IGSF6: variants seen among roughly 807,000 people sequenced by gnomAD.
IGSF6 encodes the protein down-regulated by activation (immunoglobulin superfamily).
Under a neutral mutation model 24.7 loss-of-function variants are expected in IGSF6, and 23 were observed. That is an observed-to-expected ratio of 0.93 (90% CI 0.67 to 1.32). The LOEUF (loss-of-function observed/expected upper bound fraction) is 1.32, where lower values mean the gene tolerates loss of function less well. Among genes scored for constraint, IGSF6 ranks in the 40% most tolerant of loss-of-function variants. The pLI, the probability that IGSF6 is intolerant of heterozygous loss-of-function variation, is 0.00. For synonymous variants in IGSF6, 110 were observed against 113.7 expected, an observed-to-expected ratio of 0.97 and a Z score of 0.21; for missense variants, 295 against 293.6, an observed-to-expected ratio of 1.00 and a Z score of -0.04.
intron 5 of IGSF6, 83 bp downstream of exon 5, chr16:21,642,991 T>C: frequency 2.3e-6 from 2 of 860,032 alleles, no homozygotes; most frequent in Non-Finnish European, 3.8e-6. Context: ...AAAACATGGT[T>C]CTTGACAGCT....
In IGSF6 at chr16:21,647,453, C is replaced by A. The variant is rs746178604; in HGVS notation, c.107G>T (p.Trp36Leu). ...ATGAGTGTAGTCCACTTCTAGGTAC[C>A]ACGGTTGTGTGACAGAGAGAGTACA... ...GACTLSVTQP[W>L]YLEVDYTHEA... Residue 36 changes from tryptophan to leucine, a missense_variant, in exon 2 of 6, where the codon TGG becomes TTG. Physicochemically the swap from Trp to Leu is moderately conservative, Grantham distance 61. Coordinates refer to ENST00000268389, the MANE Select transcript of IGSF6 (RefSeq NM_005849.4). The A allele has an allele frequency of 6.2e-7, 1 of 1,613,960 alleles. No homozygotes were observed. Among genetic ancestry groups the A allele is most frequent in the South Asian group, 1.1e-5 (1 of 91,070 alleles).
chr16:21,647,388 A>G lies in IGSF6; in HGVS notation c.172T>C (p.Cys58Arg). The G allele has an allele frequency of 1.2e-6, 2 of 1,614,116 alleles. No homozygotes were observed. Among genetic ancestry groups the G allele is most frequent in the Non-Finnish European group, 1.7e-6 (2 of 1,180,018 alleles). ...TIKCTFSATG[C>R]PSEQPTCLWF... ...AGGCATGTTGGTTGCTCAGAAGGGC[A>G]TCCGGTTGCGGAGAAGGTACACTTT... Residue 58 changes from cysteine to arginine, a missense_variant, in exon 2 of 6, where the codon TGC becomes CGC. Transcript: ENST00000268389.
intron 1 of IGSF6, among the ~76,000 whole-genome samples, chr16:21,651,048 G>C (rs1037838844): frequency 6.6e-5 from 10 of 151,962 alleles, no homozygotes; most frequent in Admixed American, 6.5e-5. Flanking sequence ...ACGGTGAAAC[G>C]CTGTCTCTAC....
Position 21,643,083 on chromosome 16 carries a change from A to T in IGSF6, c.657T>A (p.Asn219Lys), listed in dbSNP as rs1361713041. 3 of 1,602,470 alleles carry T rather than the reference A, an allele frequency of 1.9e-6. No individual in the cohort carries two copies. The highest frequency in any genetic ancestry group is 1.7e-5 in the Admixed American group (1 of 59,842). ...GACATTTTACACTTACAGATTGCTG[A>T]TTTGTTTCCACATGTCTCTTATGGT... Reference protein sequence around the residue: ...ELYHKRHVETNQQSEKDNNTY... With the variant: ...ELYHKRHVETKQQSEKDNNTY... The change falls in exon 5 of 6, where the codon AAT becomes AAA. Residue 219 changes from asparagine to lysine, a missense_variant. Coordinates refer to ENST00000268389, the MANE Select transcript of IGSF6 (RefSeq NM_005849.4).
intron 5 of IGSF6, among the ~76,000 whole-genome samples, chr16:21,642,668 T>G (rs761254322): frequency 6.4e-4 from 98 of 152,316 alleles, no homozygotes; most frequent in Non-Finnish European, 1.2e-3. Context: ...TGTGAATTTA[T>G]TTTTGCCTTA....
chr16:21,643,835 T>C (rs890303966), intron 3 of IGSF6, among the ~76,000 whole-genome samples: 1 of 151,992 alleles, frequency 6.6e-6, no homozygotes, highest in Non-Finnish European at 1.5e-5. Flanking sequence ...TCCCTTCTTA[T>C]ACACATAGCC....
chr16:21,646,245 G>A (rs976204417), intron 2 of IGSF6: 3 of 151,778 alleles, frequency 2.0e-5, no homozygotes, highest in African/African-American at 7.3e-5. Context: ...TATGTTTGAT[G>A]TCCTCGCTCG....
intron 5 of IGSF6, among the ~76,000 whole-genome samples, chr16:21,641,902 C>T (rs901525000): frequency 3.3e-5 from 5 of 152,052 alleles, no homozygotes; most frequent in African/African-American, 1.2e-4. Context: ...GTCCCAGCCT[C>T]AGAAAGAAAA....
At chr16:21,644,081 G>A (rs1220422916) in intron 3 of IGSF6, among the ~76,000 whole-genome samples, 1 of 152,128 alleles carries the variant, frequency 6.6e-6, no homozygotes, top group African/African-American at 2.4e-5. Flanking sequence ...AGCAAACTAT[G>A]TCCCCTGGCT....
At chr16:21,650,038 A>G (rs1419630873) in intron 1 of IGSF6, among the ~76,000 whole-genome samples, 1 of 152,210 alleles carries the variant, frequency 6.6e-6, no homozygotes, top group Admixed American at 6.5e-5. Context: ...AGTCACAGCT[A>G]CTCAGGAGGC....
intron 1 of IGSF6, among the ~76,000 whole-genome samples, chr16:21,651,436 A>T (rs1966573699): frequency 6.6e-6 from 1 of 151,988 alleles, no homozygotes; most frequent in Non-Finnish European, 1.5e-5. Flanking sequence ...GTGGGACTGC[A>T]GGTGCAGTGC....
chr16:21,644,436 A>G (rs192529640), intron 2 of IGSF6, 40 bp from the exon 3 acceptor site: 81 of 1,399,180 alleles, frequency 5.8e-5, no homozygotes, highest in Non-Finnish European at 6.9e-5. Context: ...TGACTATTAA[A>G]GCCTATTCTT....
At chr16:21,651,507 G>A (rs1220141815) in intron 1 of IGSF6, among the ~76,000 whole-genome samples, 1 of 151,404 alleles carries the variant, frequency 6.6e-6, no homozygotes, top group South Asian at 2.1e-4. Context: ...TCATTATGTT[G>A]TTCATGCTGG....
At position 21,641,543 on chromosome 16, in the gene IGSF6, T is replaced by A. The variant is rs778045009; in HGVS notation, c.717A>T (p.Glu239Asp). 3.2e-6 allele frequency: 5 copies of A among 1,585,922 alleles called. No homozygotes were observed. The African/African-American group carries it at 5.4e-5, about 17-fold the overall frequency. The change falls in exon 6 of 6, where the codon GAA becomes GAT. Residue 239 changes from glutamate to aspartate, a missense_variant. Transcript: ENST00000268389. ...GAAAATTAAAACGTTTCTATGGCCT[T>A]TCATAGTTGGAAAGTACTCTTCTGT... ...YENRRVLSNYERP is the reference protein window; with the variant it reads ...YENRRVLSNYDRP
Position 21,643,556 on chromosome 16 carries a change from A to G in IGSF6, c.577T>C (p.Ser193Pro). Residue 193 changes from serine (S) to proline (P), a missense_variant, in exon 4 of 6, where the codon TCA (serine) becomes CCA (proline). Ser to Pro is a moderately conservative substitution (Grantham distance 74). Coordinates refer to ENST00000268389, the MANE Select transcript of IGSF6 (RefSeq NM_005849.4). ...CAAGTGTTGGTCTGTACCTTTTGTGAGTCTTCTTTTATTTCTTTGTTTCTT... is the reference window on the plus strand; with the variant it reads ...CAAGTGTTGGTCTGTACCTTTTGTGGGTCTTCTTTTATTTCTTTGTTTCTT... Reference protein sequence around the residue: ...PLRNKEIKEDSQKKKSARRIF... With the variant: ...PLRNKEIKEDPQKKKSARRIF... The G allele has an allele frequency of 1.2e-6, 2 of 1,602,214 alleles. No homozygotes were observed. The highest frequency in any genetic ancestry group is 8.5e-7 in the Non-Finnish European group (1 of 1,170,738).
rs1966456899 is a variant in IGSF6 at position 21,647,345 on chromosome 16, GCAC to G, written c.212_214del (p.Gly71del). The G allele has an allele frequency of 6.2e-7, 1 of 1,614,046 alleles. No individual in the cohort carries two copies. The highest frequency in any genetic ancestry group is 8.5e-7 in the Non-Finnish European group (1 of 1,180,038). On this transcript the variant is annotated inframe_deletion, in exon 2 of 6. Transcript: ENST00000268389. ...CAAGCACAGGTTCTCAGGCTGGTGA[GCAC>G]CGTAGCGAAACCACAGGCATGTTGG...
At chr16:21,649,017 CAG>C (rs1966499895) in intron 1 of IGSF6, among the ~76,000 whole-genome samples, 1 of 152,124 alleles carries the variant, frequency 6.6e-6, no homozygotes, top group Admixed American at 6.5e-5. Flanking sequence ...TGTTTTTGGA[CAG>C]AGTCTCTGTC....
intron 2 of IGSF6, chr16:21,646,741 G>A (rs1436272826): frequency 1.4e-5 from 4 of 281,320 alleles, no homozygotes; most frequent in South Asian, 3.4e-5. Context: ...TGCAACCTTC[G>A]CCTCCTGGGT....
chr16:21,643,265 C>G (rs1287011409), intron 4 of IGSF6, 111 bp from the exon 5 acceptor site: 3 of 764,584 alleles, frequency 3.9e-6, no homozygotes, highest in Non-Finnish European at 6.8e-6. Flanking sequence ...AAAACTACCC[C>G]CTCCCCCAAC....
Sources: allele counts gnomAD v4.1 joint callset (sites outside exome capture counted in the v4.1 genomes callset), GRCh38; gene constraint gnomAD v4.1.1; transcripts MANE v1.5; gene names NCBI Gene and HGNC (gene_info 2026-07-23, HGNC 2026-07-21).